The following MAPK8IP2 variants were observed in gnomAD, a reference collection of about 807,000 sequenced individuals.
MAPK8IP2 encodes mitogen-activated protein kinase 8 interacting protein 2.
MAPK8IP2 carries 15 observed loss-of-function variants against 75.6 expected under a neutral mutation model. The observed-to-expected ratio is 0.20, with a 90% CI of 0.13 to 0.31. The LOEUF (loss-of-function observed/expected upper bound fraction) is 0.31. Ranked by LOEUF, MAPK8IP2 falls within the 10% of genes least tolerant of loss-of-function variation. MAPK8IP2 has a pLI of 1.00. For missense variants in MAPK8IP2, 1,089 were observed against 1,211.2 expected (o/e 0.90, Z 1.50); for synonymous variants, 632 against 554.5 (o/e 1.14, Z -1.96).
chr22:50,608,321 G>A (rs912046817), intron 10 of MAPK8IP2, among the ~76,000 whole-genome samples: 1 of 149,428 alleles, frequency 6.7e-6, no homozygotes, highest in South Asian at 2.1e-4. Context: ...TGGAGAGGTG[G>A]GACAGCGGGC....
intron 1 of MAPK8IP2, chr22:50,601,491 C>T (rs1175467558): frequency 2.5e-5 from 9 of 363,938 alleles, no homozygotes; most frequent in Non-Finnish European, 4.7e-5. Context: ...AGACCCTGAC[C>T]CCAGGGGCCT....
At chr22:50,606,837 C>T in intron 9 of MAPK8IP2, 72 bp downstream of exon 9, 1 of 1,593,088 alleles carries the variant, frequency 6.3e-7, no homozygotes, top group South Asian at 1.1e-5. Flanking sequence ...CGGGGCCAGG[C>T]TGGCAGGGGT....
intron 2 of MAPK8IP2, among the ~76,000 whole-genome samples, chr22:50,602,643 T>A (rs2070956982): frequency 6.6e-6 from 1 of 151,798 alleles, no homozygotes. Flanking sequence ...ATGGGGTAGG[T>A]AGGAGGGAAT....
rs1484142472 is a variant in MAPK8IP2, at chr22:50,604,399, G to T, written c.1100G>T (p.Arg367Leu). 1.3e-6 allele frequency: 2 copies of T among 1,520,864 alleles called. No homozygotes were observed. The highest frequency in any genetic ancestry group is 1.8e-6 in the Non-Finnish European group (2 of 1,140,444). The allele number at this position is 1,520,864 out of a possible 1,614,324, so 94.2% of individuals were successfully genotyped here. A position where few individuals can be genotyped will look rare whatever the true frequency, so the allele number is the denominator to read the frequency against. The change falls in exon 5 of 12, where the codon CGC (arginine) becomes CTC (leucine). Residue 367 changes from arginine (R) to leucine (L), a missense_variant. This residue lies in a region of MAPK8IP2 where 960 missense variants were observed against 1,009.6 expected (regional missense o/e 0.95). Coordinates refer to ENST00000329492, the MANE Select transcript of MAPK8IP2 (RefSeq NM_012324.6). Reference sequence around the variant, plus strand: ...ATCTCCGAGGGCTCCTCGCCCATCCGCTGCCCCGGCCAGTGCCTGTCTCCT... The same window carrying T: ...ATCTCCGAGGGCTCCTCGCCCATCCTCTGCCCCGGCCAGTGCCTGTCTCCT... ...RMISEGSSPI[R>L]CPGQCLSPAP...
rs1464414178 is a variant in MAPK8IP2 at position 50,607,524 on chromosome 22, A to G, written c.2303+533A>G. On this transcript the variant is annotated intron_variant, in intron 10 of 11. Transcript: ENST00000329492. This position sits in a 1 kb window ranked among gnomAD's most constrained non-coding sequence, Gnocchi z 5.6. ...AGAAGGCTCCTAATGGAAGGAGGTG[A>G]CACAGGGGACCTGGGGGCTGCTGAG... Among the ~76,000 whole-genome samples the G allele has an allele frequency of 6.6e-6, 1 of 152,080 alleles. No homozygotes were observed. The highest frequency in any genetic ancestry group is 1.5e-5 in the Non-Finnish European group (1 of 67,988).
At position 50,604,322 on chromosome 22, in the gene MAPK8IP2, C is replaced by T. The variant is rs1340801718; in HGVS notation, c.1023C>T (p.Leu341=). 1.3e-6 allele frequency: 2 copies of T among 1,540,804 alleles called. No individual in the cohort carries two copies. The highest frequency in any genetic ancestry group is 3.9e-5 in the Admixed American group (2 of 51,662). ...YESGSESEPD[L]SEDADSPWLL... Reference sequence around the variant, plus strand: ...CGGGGTCGGAGTCGGAGCCGGACCTCAGCGAGGACGCGGACTCGCCCTGGC... The same window carrying T: ...CGGGGTCGGAGTCGGAGCCGGACCTTAGCGAGGACGCGGACTCGCCCTGGC... The change falls in exon 5 of 12, where the codon CTC becomes CTT. Residue 341 remains leucine, a synonymous_variant. Coordinates refer to ENST00000329492, the MANE Select transcript of MAPK8IP2 (RefSeq NM_012324.6).
Position 50,604,693 on chromosome 22 carries a change from C to T in MAPK8IP2, c.1394C>T (p.Ala465Val), listed in dbSNP as rs1250298037. The T allele has an allele frequency of 7.9e-6, 12 of 1,526,050 alleles. No individual in the cohort carries two copies. Among genetic ancestry groups the T allele is most frequent in the Non-Finnish European group, 1.1e-5 (12 of 1,139,752 alleles). 94.5% of individuals were successfully genotyped at this position (1,526,050 alleles called of 1,614,324 possible). A position where few individuals can be genotyped will look rare whatever the true frequency, so the allele number is the denominator to read the frequency against. ...GCCCGCCCGGGACGAGCCTGCTCCG[C>T]CGCCTGCTCCGAGGAGGAGGACGAA... ...RAARPGRACS[A>V]ACSEEEDEED... Residue 465 changes from alanine (A) to valine (V), a missense_variant, in exon 5 of 12, where the codon GCC becomes GTC. Around this residue, in one of 2 missense-constraint regions of MAPK8IP2, gnomAD observed 960 missense variants for 1,009.6 expected, o/e 0.95. Transcript: ENST00000329492.
In MAPK8IP2 at chr22:50,603,723, A is replaced by G; in HGVS notation, c.541+4A>G. The G allele has an allele frequency of 6.4e-7, 1 of 1,563,536 alleles. No individual in the cohort carries two copies. Among genetic ancestry groups the G allele is most frequent in the Non-Finnish European group, 8.7e-7 (1 of 1,154,092 alleles). On this transcript the variant is annotated splice_donor_region_variant and intron_variant, in intron 4 of 11. Transcript: ENST00000329492. ...CCCGCCCCGGAGGCCCTCAGAGGTG[A>G]GGGGTGGTGGGCCCGCGGGGCGCGG...
chr22:50,610,805 C>A lies in MAPK8IP2; in HGVS notation c.*26C>A. The stretch of plus-strand genomic sequence containing the variant: ...CCTGCCCACCGCTCTGTCTCCTGGC[C>A]GTCTGCTCCAGGCGCAGCTGGGGCT... On this transcript the variant is annotated 3_prime_UTR_variant, in exon 12 of 12. Coordinates refer to ENST00000329492, the MANE Select transcript of MAPK8IP2 (RefSeq NM_012324.6). The surrounding 1 kb of genome is among the most constrained non-coding windows in gnomAD (Gnocchi z 4.3). 2 of 1,576,544 alleles carry A rather than the reference C, an allele frequency of 1.3e-6. No individual in the cohort carries two copies. Among genetic ancestry groups the A allele is most frequent in the Non-Finnish European group, 1.7e-6 (2 of 1,159,964 alleles).
chr22:50,608,574 T>C (rs1232451771), intron 10 of MAPK8IP2, among the ~76,000 whole-genome samples: 5 of 114,984 alleles, frequency 4.3e-5, no homozygotes, highest in African/African-American at 1.4e-4. Flanking sequence ...GACCAGACAG[T>C]GGGGCCAGCT....
At position 50,603,689 on chromosome 22, in the gene MAPK8IP2, C is replaced by CT; in HGVS notation, c.512dup (p.Cys172MetfsTer60). ...TCCGGCCTCCTGGCAGGAGACAGCG[C>CT]TATGCTCACCCGCCCCGGAGGCCCT... On this transcript the variant is annotated frameshift_variant, in exon 4 of 12. Coordinates refer to ENST00000329492, the MANE Select transcript of MAPK8IP2 (RefSeq NM_012324.6). LOFTEE classifies it high-confidence loss of function. 1 of 1,583,628 alleles carries CT rather than the reference C, an allele frequency of 6.3e-7. No homozygotes were observed. The highest frequency in any genetic ancestry group is 8.6e-7 in the Non-Finnish European group (1 of 1,165,188).
In MAPK8IP2 at chr22:50,604,892, G is replaced by A; in HGVS notation, c.1593G>A (p.Gly531=). The part of the protein sequence containing the change: ...LELVSLRRCA[G]LGHDSEEDSG... The stretch of plus-strand genomic sequence containing the variant: ...TGGTGAGCCTGCGGCGCTGTGCTGG[G>A]CTGGGCCACGACAGCGAAGAGGACA... Residue 531 remains glycine (G), a synonymous_variant, in exon 5 of 12, where the codon GGG becomes GGA. Transcript: ENST00000329492. The A allele has an allele frequency of 6.2e-7, 1 of 1,608,946 alleles. No individual in the cohort carries two copies. Among genetic ancestry groups the A allele is most frequent in the Non-Finnish European group, 8.5e-7 (1 of 1,178,590 alleles).
intron 2 of MAPK8IP2, among the ~76,000 whole-genome samples, chr22:50,602,208 C>T (rs568924599): frequency 1.6e-4 from 24 of 152,322 alleles, no homozygotes; most frequent in Middle Eastern, 3.4e-3. Flanking sequence ...GATCTAATCC[C>T]TGGCAGCTGC....
chr22:50,605,781 C>T, intron 7 of MAPK8IP2, 44 bp from the exon 8 acceptor site: 2 of 1,598,456 alleles, frequency 1.3e-6, no homozygotes, highest in East Asian at 2.3e-5. Flanking sequence ...AGATCCTCCC[C>T]TGTGCCCCTG....
In MAPK8IP2 at chr22:50,611,311, T is replaced by C. The variant is rs2071146661; in HGVS notation, c.*532T>C. ...GCCCCAGCCCCACCCCACATGGAGC[T>C]CAGGGGGAAGCAGGGAGGGGTTCCC... On this transcript the variant is annotated 3_prime_UTR_variant, in exon 12 of 12. Transcript: ENST00000329492. The surrounding 1 kb of genome is among the most constrained non-coding windows in gnomAD (Gnocchi z 5.5). 1 of 152,972 alleles carries C rather than the reference T, an allele frequency of 6.5e-6. No homozygotes were observed. The highest frequency in any genetic ancestry group is 6.5e-5 in the Admixed American group (1 of 15,274). The allele number at this position is 152,972 out of a possible 1,614,324, so 9.5% of individuals were successfully genotyped here.
chr22:50,609,789 C>T (rs746631613), intron 10 of MAPK8IP2: 4 of 519,254 alleles, frequency 7.7e-6, no homozygotes, highest in East Asian at 5.4e-5. Context: ...CCAGGGGTAA[C>T]GTCCAGCCCC....
chr22:50,609,804 C>T (rs770211159), intron 10 of MAPK8IP2: 11 of 519,908 alleles, frequency 2.1e-5, no homozygotes, highest in South Asian at 4.2e-5. Context: ...AGCCCCACCT[C>T]GGAGCTGGGC....
Position 50,604,105 on chromosome 22 carries a change from C to A in MAPK8IP2, c.806C>A (p.Ser269Ter). 1 of 1,551,788 alleles carries A rather than the reference C, an allele frequency of 6.4e-7. No individual in the cohort carries two copies. The highest frequency in any genetic ancestry group is 2.4e-5 in the East Asian group (1 of 41,468). Residue 269 changes from serine to a stop codon, truncating the protein, a stop_gained, in exon 5 of 12, where the codon TCG (serine) becomes TAG (stop). Transcript: ENST00000329492. LOFTEE classifies it high-confidence loss of function. ...AGGARLGRMI[S>*]SISETELELS... ...GGCGCGCGCCTGGGGCGCATGATCT[C>A]GTCCATCTCGGAGACGGAGCTGGAG...
rs935887659 is a variant in MAPK8IP2 at position 50,612,999 on chromosome 22, C to T, written c.*2220C>T. 3 of 128,086 alleles carry T rather than the reference C, an allele frequency of 2.3e-5. No individual in the cohort carries two copies. In the Admixed American group the frequency reaches 2.4e-4, roughly 10 times the overall value. The allele number at this position is 128,086 out of a possible 1,614,324, so 7.9% of individuals were successfully genotyped here. A position where few individuals can be genotyped will look rare whatever the true frequency, so the allele number is the denominator to read the frequency against. The stretch of plus-strand genomic sequence containing the variant: ...AGTCCTTCGCCTGTCTGCCTTCCAC[C>T]TCTCTGCAGCTCCTTCTCCAATCTC... On this transcript the variant is annotated 3_prime_UTR_variant, in exon 12 of 12. Coordinates refer to ENST00000329492, the MANE Select transcript of MAPK8IP2 (RefSeq NM_012324.6).
Sources: allele counts gnomAD v4.1 joint callset (sites outside exome capture counted in the v4.1 genomes callset), GRCh38; gene constraint gnomAD v4.1.1; regional missense constraint gnomAD v4.1.1; non-coding constraint Gnocchi (gnomAD v3.1); transcripts MANE v1.5; gene names NCBI Gene and HGNC (gene_info 2026-07-23, HGNC 2026-07-21).